The following ABCC9 variants were observed in gnomAD, a reference collection of about 807,000 sequenced individuals.
ABCC9 encodes the protein ATP binding cassette subfamily C member 9, also known as ATP-binding cassette sub-family C member 9.
In ABCC9, 95 loss-of-function variants were observed where a neutral mutation model predicts 188.3. The observed-to-expected ratio is 0.50, with a 90% CI of 0.43 to 0.60. The LOEUF is 0.60. Among genes scored for constraint, ABCC9 ranks in the 20% least tolerant of loss-of-function variants. The probability of loss-of-function intolerance (pLI) is 0.00; values close to 1 mark genes in which losing one functional copy is unlikely to be tolerated. For synonymous variants in ABCC9, 659 were observed against 652.7 expected, an observed-to-expected ratio of 1.01 and a Z score of -0.15; for missense variants, 1,102 against 1,876.3, an observed-to-expected ratio of 0.59 and a Z score of 7.62.
In ABCC9 at chr12:21,939,817, T is replaced by C. The variant is rs1949625417; in HGVS notation, c.-21+893A>G. Among the ~76,000 whole-genome samples the C allele has an allele frequency of 2.6e-5, 4 of 152,336 alleles. No individual in the cohort carries two copies. In the South Asian group the frequency reaches 8.3e-4, roughly 32 times the overall value. ...AAATTTTGCTTCTAACGTATGTCTA[T>C]GGAGCAGAAAACATAAAATAGAAAT... On this transcript the variant is annotated intron_variant, in intron 2 of 39. Coordinates refer to ENST00000261200, the MANE Select transcript of ABCC9 (RefSeq NM_020297.4).
At chr12:21,903,876 A>G (rs1207634629) in intron 12 of ABCC9, among the ~76,000 whole-genome samples, 1 of 152,262 alleles carries the variant, frequency 6.6e-6, no homozygotes, top group African/African-American at 2.4e-5. Context: ...TATAGATTCA[A>G]TGCTATCCCC....
intron 14 of ABCC9, among the ~76,000 whole-genome samples, chr12:21,890,973 T>C (rs1259937903): frequency 2.6e-5 from 4 of 151,640 alleles, no homozygotes; most frequent in African/African-American, 9.7e-5. Context: ...AGTATAATAA[T>C]AATAAAATTT....
chr12:21,855,377 G>A (rs544645108), intron 22 of ABCC9, among the ~76,000 whole-genome samples: 59 of 152,022 alleles, frequency 3.9e-4, no homozygotes, highest in African/African-American at 1.2e-3. Context: ...ACGCCACCAC[G>A]CCCCGCTAAT....
intron 12 of ABCC9, among the ~76,000 whole-genome samples, chr12:21,903,546 CAA>C: frequency 6.6e-6 from 1 of 152,098 alleles, no homozygotes; most frequent in South Asian, 2.1e-4. Flanking sequence ...GTCTCAGCCC[CAA>C]ATCTCCTTCA....
At chr12:21,804,195 T>C (rs1037619424) in intron 39 of ABCC9, among the ~76,000 whole-genome samples, 4 of 152,118 alleles carry the variant, frequency 2.6e-5, no homozygotes, top group Admixed American at 6.6e-5. Flanking sequence ...GAAAGAAATA[T>C]AAGTCTATAG....
At position 21,863,070 on chromosome 12, in the gene ABCC9, GAAAAA is replaced by G; in HGVS notation, c.2238-21_2238-17del. The G allele has an allele frequency of 1.5e-6, 2 of 1,299,858 alleles. No individual in the cohort carries two copies. The highest frequency in any genetic ancestry group is 1.3e-5 in the South Asian group (1 of 76,262). 80.5% of individuals were successfully genotyped at this position (1,299,858 alleles called of 1,614,324 possible). ...CCTGTTCCTACTGAAAAATGAAAAA[GAAAAA>G]AAAAAACACCAGGATTATGCAAAGG... On this transcript the variant is annotated splice_polypyrimidine_tract_variant and intron_variant, in intron 19 of 39. Transcript: ENST00000261200.
At chr12:21,877,274 A>C (rs915053217) in intron 16 of ABCC9, among the ~76,000 whole-genome samples, 6 of 152,238 alleles carry the variant, frequency 3.9e-5, no homozygotes, top group African/African-American at 1.4e-4. Flanking sequence ...GTACAACAGC[A>C]GCTCATAAAG....
chr12:21,905,266 G>A (rs1175307774), intron 12 of ABCC9, among the ~76,000 whole-genome samples: 1 of 152,040 alleles, frequency 6.6e-6, no homozygotes, highest in East Asian at 1.9e-4. Context: ...GCCTGTCGTG[G>A]GGTGTGGGGA....
Position 21,873,490 on chromosome 12 carries a change from C to A in ABCC9, c.2093-760G>T, listed in dbSNP as rs181211958. 6.9e-3 allele frequency among the ~76,000 whole-genome samples: 1,045 copies of A among 152,194 alleles called. 11 individuals are homozygous for A. The highest frequency in any genetic ancestry group is 0.024 in the African/African-American group (998 of 41,542). The stretch of plus-strand genomic sequence containing the variant: ...TAATATTGTTAAAATGTCCATACTA[C>A]CCAAAGCAATCTACAGATTCAATGT... On this transcript the variant is annotated intron_variant, in intron 17 of 39. Coordinates refer to ENST00000261200, the MANE Select transcript of ABCC9 (RefSeq NM_020297.4).
rs1283813 is a variant in ABCC9 at position 21,829,403 on chromosome 12, G to A, written c.3567-343C>T. 4.1e-3 allele frequency among the ~76,000 whole-genome samples: 616 copies of A among 151,876 alleles called. 4 individuals are homozygous for A. The highest frequency in any genetic ancestry group is 0.012 in the African/African-American group (478 of 41,466). ...TTTTTAGTAGAGACGAGGTTTCACC[G>A]TGTTAGCCAGGATGGTCTCGATCTC... is the stretch of plus-strand genomic sequence containing the variant. On this transcript the variant is annotated intron_variant, in intron 30 of 39. Coordinates refer to ENST00000261200, the MANE Select transcript of ABCC9 (RefSeq NM_020297.4).
At position 21,817,261 on chromosome 12, in the gene ABCC9, T is replaced by G. The variant is rs1447274193; in HGVS notation, c.3818A>C (p.Glu1273Ala). The G allele has an allele frequency of 6.2e-7, 1 of 1,613,724 alleles. No homozygotes were observed. The highest frequency in any genetic ancestry group is 8.5e-7 in the Non-Finnish European group (1 of 1,179,830). The change falls in exon 33 of 40, where the codon GAG (glutamate) becomes GCG (alanine). Residue 1273 changes from glutamate (E) to alanine (A), a missense_variant. Around this residue, in one of 12 missense-constraint regions of ABCC9, gnomAD observed 143 missense variants for 225.6 expected, o/e 0.63. Transcript: ENST00000261200. ...CTTCTTCACTGCACCCATCTGGACC[T>G]CCAGGTCAGCCAAGTTCCTCACAAC... ...NWVVRNLADL[E>A]VQMGAVKKVN...
chr12:21,883,484 C>T (rs906431794), intron 15 of ABCC9, among the ~76,000 whole-genome samples: 2 of 152,224 alleles, frequency 1.3e-5, no homozygotes, highest in African/African-American at 4.8e-5. Flanking sequence ...CCTCCCCAGC[C>T]ATGTGGAACT....
rs149229372 is a variant in ABCC9 at position 21,887,920 on chromosome 12, T to C, written c.1817A>G (p.Asn606Ser). Reference protein sequence around the residue: ...VKAIISVQKLNEFLLSDEIGD... With the variant: ...VKAIISVQKLSEFLLSDEIGD... ...AATCTCATCACTCAAGAGAAACTCA[T>C]TCAGCTTTTGAACACTGCAAAAAAC... Residue 606 changes from asparagine to serine, a missense_variant, in exon 15 of 40, where the codon AAT (asparagine) becomes AGT (serine). By Grantham distance (46) the Asn-to-Ser change is conservative. Coordinates refer to ENST00000261200, the MANE Select transcript of ABCC9 (RefSeq NM_020297.4). The C allele has an allele frequency of 6.2e-7, 1 of 1,612,948 alleles. No homozygotes were observed. The highest frequency in any genetic ancestry group is 1.1e-5 in the South Asian group (1 of 91,052).
In ABCC9 at chr12:21,925,999, T is replaced by C. The variant is rs1407766562; in HGVS notation, c.349A>G (p.Thr117Ala). The C allele has an allele frequency of 2.5e-6, 4 of 1,614,072 alleles. No homozygotes were observed. The highest frequency in any genetic ancestry group is 2.2e-5 in the South Asian group (2 of 91,080). The change falls in exon 5 of 40, where the codon ACA becomes GCA. Residue 117 changes from threonine (T) to alanine (A), a missense_variant. Thr to Ala is a moderately conservative substitution (Grantham distance 58, BLOSUM62 0). Coordinates refer to ENST00000261200, the MANE Select transcript of ABCC9 (RefSeq NM_020297.4). ...PAVMGFVATT[T>A]SIVYYHNIET... is the part of the protein sequence containing the mutation. ...ATATTATGATAATACACTATCGATG[T>C]TGTAGTGGCAACGAATCCCATCACG...
intron 15 of ABCC9, among the ~76,000 whole-genome samples, chr12:21,885,493 C>T (rs755037529): frequency 5.9e-5 from 9 of 152,070 alleles, no homozygotes; most frequent in East Asian, 1.9e-4. Context: ...TCCTATATGC[C>T]GTTTCTTGAG....
chr12:21,890,075 GT>G (rs1400291832), intron 14 of ABCC9, among the ~76,000 whole-genome samples: 1 of 152,106 alleles, frequency 6.6e-6, no homozygotes, highest in Non-Finnish European at 1.5e-5. Context: ...CTAAAGAAAT[GT>G]CTGATGAAAT....
chr12:21,808,245 A>C (rs2137123348), intron 37 of ABCC9, among the ~76,000 whole-genome samples: 1 of 152,248 alleles, frequency 6.6e-6, no homozygotes, highest in Middle Eastern at 3.4e-3. Flanking sequence ...TTATTCTCCA[A>C]ATTCTGATTT....
intron 12 of ABCC9, among the ~76,000 whole-genome samples, chr12:21,899,496 C>T (rs1278901843): frequency 1.3e-5 from 2 of 152,100 alleles, no homozygotes; most frequent in Admixed American, 6.6e-5. Flanking sequence ...CGAGCATGAG[C>T]CAAAGCAGGG....
chr12:21,917,087 C>T lies in ABCC9; in HGVS notation c.423G>A (p.Trp141Ter), dbSNP rs1170853573. 6.2e-7 allele frequency: 1 copy of T among 1,613,620 alleles called. No individual in the cohort carries two copies. Among genetic ancestry groups the T allele is most frequent in the East Asian group, 2.2e-5 (1 of 44,850 alleles). ...TTGTTTTTGTAATAAAGGCCATTAC[C>T]CAATACAGGAACAGGGCTGAAAAGA... ...PKLLLALFLY[W>*]VMAFITKTIK... The change falls in exon 6 of 40, where the codon TGG becomes TGA. Residue 141 changes from tryptophan (W) to a stop codon, truncating the protein, a stop_gained. Transcript: ENST00000261200. LOFTEE classifies it high-confidence loss of function.
Sources: allele counts gnomAD v4.1 joint callset (sites outside exome capture counted in the v4.1 genomes callset), GRCh38; gene constraint gnomAD v4.1.1; regional missense constraint gnomAD v4.1.1; transcripts MANE v1.5; gene names NCBI Gene and HGNC (gene_info 2026-07-23, HGNC 2026-07-21).